The following IFIH1 variants were observed in gnomAD, a reference collection of about 807,000 sequenced individuals.
IFIH1 encodes the protein interferon induced with helicase C domain 1, also known as interferon-induced helicase C domain-containing protein 1.
A neutral mutation model predicts 107.4 loss-of-function variants in IFIH1; 125 were observed. That is an observed-to-expected ratio of 1.16 (90% confidence interval 1.01 to 1.35). The LOEUF is 1.35. Ranked by LOEUF, IFIH1 falls within the 40% of genes most tolerant of loss-of-function variation. IFIH1 has a pLI of 0.00. For missense variants in IFIH1, 1,333 were observed against 1,213.7 expected (o/e 1.10, Z -1.46); for synonymous variants, 458 against 413.2 (o/e 1.11, Z -1.31).
intron 4 of IFIH1, among the ~76,000 whole-genome samples, chr2:162,291,109 T>A (rs1682990306): frequency 6.6e-6 from 1 of 151,864 alleles, no homozygotes; most frequent in Non-Finnish European, 1.5e-5. Context: ...AATAACACTG[T>A]GCCCTCCCTC....
At chr2:162,311,192 A>G in intron 1 of IFIH1, among the ~76,000 whole-genome samples, 1 of 152,162 alleles carries the variant, frequency 6.6e-6, no homozygotes, top group East Asian at 1.9e-4. Context: ...TTTTTTTAAA[A>G]GCTATTGAAT....
chr2:162,281,661 G>C, intron 6 of IFIH1, 116 bp from the exon 7 acceptor site: 2 of 671,490 alleles, frequency 3.0e-6, no homozygotes, highest in East Asian at 5.5e-5. Flanking sequence ...CACGACACAA[G>C]AGCAGTCCAC....
chr2:162,298,452 T>G (rs1683133868), intron 3 of IFIH1, among the ~76,000 whole-genome samples: 1 of 152,160 alleles, frequency 6.6e-6, no homozygotes, highest in Non-Finnish European at 1.5e-5. Context: ...GACAAGGTCT[T>G]TAGTCCAATT....
At chr2:162,313,704 A>G (rs1003392986) in intron 1 of IFIH1, among the ~76,000 whole-genome samples, 1 of 152,226 alleles carries the variant, frequency 6.6e-6, no homozygotes, top group African/African-American at 2.4e-5. Flanking sequence ...GTAAATCAGG[A>G]GGCAAAACCT....
chr2:162,293,517 C>T (rs762041438), intron 4 of IFIH1, 47 bp downstream of exon 4: 22 of 1,174,874 alleles, frequency 1.9e-5, no homozygotes, highest in Non-Finnish European at 2.7e-5. Context: ...CACTATATGG[C>T]GTCTTATTTC....
At chr2:162,308,335 C>T (rs891200202) in intron 2 of IFIH1, among the ~76,000 whole-genome samples, 2 of 151,818 alleles carry the variant, frequency 1.3e-5, no homozygotes, top group Admixed American at 1.3e-4. Flanking sequence ...TCTTAAAAGG[C>T]CACAATTCTA....
intron 4 of IFIH1, among the ~76,000 whole-genome samples, chr2:162,291,323 T>TC (rs1682994255): frequency 6.6e-6 from 1 of 151,834 alleles, no homozygotes; most frequent in South Asian, 2.1e-4. Flanking sequence ...TACAAAGTAT[T>TC]CCTTTACCTA....
Position 162,273,778 on chromosome 2 carries a change from G to C in IFIH1, c.2454+17C>G, listed in dbSNP as rs190588381. 7.3e-6 allele frequency: 11 copies of C among 1,503,134 alleles called. No homozygotes were observed. The Admixed American group carries it at 2.5e-4, about 34-fold the overall frequency. The allele number at this position is 1,503,134 out of a possible 1,614,324, so 93.1% of individuals were successfully genotyped here. ...CAAATAAAAATTAACATAGTAAGTA[G>C]AGGTATTTGAATGTACCTGGACCAT... On this transcript the variant is annotated intron_variant, in intron 12 of 15. Transcript: ENST00000649979.
intron 3 of IFIH1, 41 bp from the exon 4 acceptor site, chr2:162,293,709 T>G: frequency 7.3e-7 from 1 of 1,378,010 alleles, no homozygotes; most frequent in Non-Finnish European, 1.0e-6. Flanking sequence ...AAAATATTTC[T>G]GAGAATAAAC....
rs1006604753 is a variant in IFIH1 at position 162,267,339 on chromosome 2, G to T, written c.2939C>A (p.Pro980His). Residue 980 changes from proline to histidine, a missense_variant, in exon 16 of 16, where the codon CCT becomes CAT. By Grantham distance (77) the Pro-to-His change is moderately conservative. Transcript: ENST00000649979. ...TMMVHKGLDL[P>H]CLKIRNFVVV... ...TACAAAATTCCTTATTTTGAGACAA[G>T]GCAAATCTAAGCCTTTGTGCACCAT... 3 of 1,613,070 alleles carry T rather than the reference G, an allele frequency of 1.9e-6. No homozygotes were observed. The highest frequency in any genetic ancestry group is 2.5e-6 in the Non-Finnish European group (3 of 1,179,758).
rs142118955 is a variant in IFIH1, at chr2:162,281,800, A to G, written c.1307-255T>C. ...TAGATAAGATTCAGAAAGTTTACAG[A>G]GCTAAAAAGCGTTAGATGTGGAATT... is the stretch of plus-strand genomic sequence containing the variant. On this transcript the variant is annotated intron_variant, in intron 6 of 15. Transcript: ENST00000649979. Among the ~76,000 whole-genome samples, 996 of 152,170 alleles carry G rather than the reference A, an allele frequency of 6.5e-3. 17 individuals carry two copies. The highest frequency in any genetic ancestry group is 0.022 in the African/African-American group (932 of 41,548).
chr2:162,291,451 T>C (rs1014293497), intron 4 of IFIH1, among the ~76,000 whole-genome samples: 1 of 151,576 alleles, frequency 6.6e-6, no homozygotes, highest in African/African-American at 2.4e-5. Flanking sequence ...GCCAAAAACA[T>C]TGCCACTTTT....
At position 162,304,745 on chromosome 2, in the gene IFIH1, A is replaced by AT. The variant is rs529109319; in HGVS notation, c.769+1963dup. Among the ~76,000 whole-genome samples the AT allele has an allele frequency of 1.8e-4, 28 of 152,326 alleles. No individual in the cohort carries two copies. In the East Asian group the frequency reaches 3.3e-3, roughly 18 times the overall value. ...ATGTAAATTCAAATAACGAAATACC[A>AT]TTTTTAATAGCAGCCAAATTGAAAA... On this transcript the variant is annotated intron_variant, in intron 3 of 15. Coordinates refer to ENST00000649979, the MANE Select transcript of IFIH1 (RefSeq NM_022168.4).
chr2:162,300,021 C>T (rs947710076), intron 3 of IFIH1, among the ~76,000 whole-genome samples: 7 of 152,148 alleles, frequency 4.6e-5, no homozygotes, highest in African/African-American at 1.7e-4. Flanking sequence ...TTTCTCTCGT[C>T]AGTCTTCCTT....
chr2:162,316,740 T>C (rs1683493041), intron 1 of IFIH1, among the ~76,000 whole-genome samples: 1 of 152,224 alleles, frequency 6.6e-6, no homozygotes, highest in Non-Finnish European at 1.5e-5. Flanking sequence ...TCTACATGTC[T>C]TCCAAAACAA....
At chr2:162,270,433 T>A (rs931747460) in intron 13 of IFIH1, among the ~76,000 whole-genome samples, 1 of 152,198 alleles carries the variant, frequency 6.6e-6, no homozygotes, top group African/African-American at 2.4e-5. Context: ...TAGAAGAAAG[T>A]AAACATCTTC....
chr2:162,277,405 T>A lies in IFIH1; in HGVS notation c.2044+10A>T, dbSNP rs551626094. 4 of 1,595,980 alleles carry A rather than the reference T, an allele frequency of 2.5e-6. No individual in the cohort carries two copies. The East Asian group carries it at 9.0e-5, about 36-fold the overall frequency. Reference sequence around the variant, plus strand: ...TGAATGACACCAGTATATGTTACTTTGAATCTTACCAAAAAATAAAGTCAT... The same window carrying A: ...TGAATGACACCAGTATATGTTACTTAGAATCTTACCAAAAAATAAAGTCAT... On this transcript the variant is annotated intron_variant, in intron 10 of 15. Coordinates refer to ENST00000649979, the MANE Select transcript of IFIH1 (RefSeq NM_022168.4).
intron 13 of IFIH1, among the ~76,000 whole-genome samples, chr2:162,269,976 C>T (rs1173136717): frequency 6.6e-6 from 1 of 151,860 alleles, no homozygotes; most frequent in East Asian, 1.9e-4. Context: ...GTTCAATGAG[C>T]TGATAAGGTA....
chr2:162,285,025 T>A (rs1319225219), intron 5 of IFIH1, among the ~76,000 whole-genome samples: 1 of 151,956 alleles, frequency 6.6e-6, no homozygotes, highest in Non-Finnish European at 1.5e-5. Context: ...CTCTGGGTGG[T>A]GTTGACTTCC....
Sources: allele counts gnomAD v4.1 joint callset (sites outside exome capture counted in the v4.1 genomes callset), GRCh38; gene constraint gnomAD v4.1.1; transcripts MANE v1.5; gene names NCBI Gene and HGNC (gene_info 2026-07-23, HGNC 2026-07-21).